Variants in MYO15A observed in about 807,000 individuals in gnomAD.
The protein encoded by MYO15A is unconventional myosin-XV.
MYO15A carries 308 observed loss-of-function variants against 394.6 expected under a neutral mutation model. The observed-to-expected ratio is 0.78, with a 90% CI of 0.71 to 0.86. The LOEUF is 0.86. MYO15A is among the 40% of genes least tolerant of loss of function. The probability of loss-of-function intolerance (pLI) is 0.00; values close to 1 mark genes in which losing one functional copy is unlikely to be tolerated. For synonymous variants in MYO15A, 1,957 were observed against 2,003.8 expected (o/e 0.98, Z 0.62); for missense variants, 4,606 against 4,799.1 (o/e 0.96, Z 1.19).
chr17:18,133,145 C>T, intron 11 of MYO15A, 80 bp from the exon 12 acceptor site: 1 of 1,473,124 alleles, frequency 6.8e-7, no homozygotes, highest in South Asian at 1.2e-5. Flanking sequence ...CACCACACTA[C>T]TGGTCAGGGC....
rs536094136 is a variant in MYO15A, at chr17:18,153,696, C to T, written c.7967-79C>T. The T allele has an allele frequency of 5.2e-4, 668 of 1,290,854 alleles. 1 individual carries two copies. The highest frequency in any genetic ancestry group is 6.1e-4 in the Non-Finnish European group (615 of 1,002,194). 80.0% of individuals were successfully genotyped at this position (1,290,854 alleles called of 1,614,324 possible). ...CTGGGGGACAACAGCGAAACTCCGT[C>T]TCAAAAATATATATATATATTAATT... On this transcript the variant is annotated intron_variant, in intron 42 of 65. Coordinates refer to ENST00000647165, the MANE Select transcript of MYO15A (RefSeq NM_016239.4). This position sits in a 1 kb window ranked among gnomAD's most constrained non-coding sequence, Gnocchi z 4.1.
rs1427670409 is a variant in MYO15A at position 18,140,614 on chromosome 17, T to C, written c.5309T>C (p.Val1770Ala). ...ACTCGGCTCTACAAGGCGCACACTG[T>C]GGCCGCCAAGTTCCAGCAGTCACTC... ...SVTRLYKAHT[V>A]AAKFQQSLLD... Residue 1770 changes from valine to alanine, a missense_variant, in exon 20 of 66, where the codon GTG becomes GCG. By Grantham distance (64) the Val-to-Ala change is moderately conservative. This residue lies in a region of MYO15A where 2,776 missense variants were observed against 3,109.3 expected (regional missense o/e 0.89). Coordinates refer to ENST00000647165, the MANE Select transcript of MYO15A (RefSeq NM_016239.4). 2 of 1,613,578 alleles carry C rather than the reference T, an allele frequency of 1.2e-6. No homozygotes were observed. Among genetic ancestry groups the C allele is most frequent in the Admixed American group, 3.3e-5 (2 of 60,000 alleles).
chr17:18,120,610 G>A lies in MYO15A; in HGVS notation c.1810G>A (p.Glu604Lys), dbSNP rs1270359345. 1.3e-6 allele frequency: 2 copies of A among 1,598,018 alleles called. No homozygotes were observed. The highest frequency in any genetic ancestry group is 1.7e-5 in the Admixed American group (1 of 58,988). ...KARAGGPAVREAAYKRFGYKL... is the reference protein window; with the variant it reads ...KARAGGPAVRKAAYKRFGYKL... ...CCGGGCGGGCGGCCCTGCTGTCAGGGAGGCGGCCTACAAACGCTTCGGCTA... is the reference window on the plus strand; with the variant it reads ...CCGGGCGGGCGGCCCTGCTGTCAGGAAGGCGGCCTACAAACGCTTCGGCTA... The change falls in exon 2 of 66, where the codon GAG becomes AAG. Residue 604 changes from glutamate (E) to lysine (K), a missense_variant. Glu to Lys is a moderately conservative substitution (Grantham distance 56). This residue lies in a region of MYO15A where 1,830 missense variants were observed against 1,689.7 expected (regional missense o/e 1.08). Coordinates refer to ENST00000647165, the MANE Select transcript of MYO15A (RefSeq NM_016239.4).
intron 5 of MYO15A, 27 bp downstream of exon 5, chr17:18,126,483 G>A: frequency 6.3e-7 from 1 of 1,597,830 alleles, no homozygotes; most frequent in Non-Finnish European, 8.6e-7. Context: ...CGCTGCCCTG[G>A]GGTCTCTTGG....
rs765023430 is a variant in MYO15A at position 18,119,189 on chromosome 17, C to T, written c.389C>T (p.Ala130Val). Residue 130 changes from alanine to valine, a missense_variant, in exon 2 of 66, where the codon GCG becomes GTG. Physicochemically the swap from Ala to Val is moderately conservative, Grantham distance 64 (BLOSUM62 0). Transcript: ENST00000647165. ...CCGCGCGCCCGGTCACTCAGCAAAG[C>T]GTCCACGGCCATCAACTGGCTCACA... is the stretch of plus-strand genomic sequence containing the variant. Reference protein sequence around the residue: ...LRPRARSLSKASTAINWLTKK... With the variant: ...LRPRARSLSKVSTAINWLTKK... 3 of 1,612,408 alleles carry T rather than the reference C, an allele frequency of 1.9e-6. No homozygotes were observed. The highest frequency in any genetic ancestry group is 1.3e-5 in the African/African-American group (1 of 74,926).
chr17:18,133,010 A>G (rs2046195751), intron 11 of MYO15A, among the ~76,000 whole-genome samples: 1 of 152,236 alleles, frequency 6.6e-6, no homozygotes, highest in Admixed American at 6.5e-5. Context: ...GGGCAGCTGC[A>G]AAGGTCAACA....
chr17:18,167,744 C>T (rs1348104911), intron 62 of MYO15A, 21 bp downstream of exon 62: 1 of 1,601,566 alleles, frequency 6.2e-7, no homozygotes, highest in Non-Finnish European at 8.5e-7. Flanking sequence ...GCCCTCCTGC[C>T]TCAGCTGGGG....
chr17:18,173,711 G>A, intron 64 of MYO15A, 70 bp from the exon 65 acceptor site: 2 of 1,604,528 alleles, frequency 1.2e-6, no homozygotes, highest in Admixed American at 1.7e-5. Flanking sequence ...TGATTTGCAG[G>A]GCAGGGGTAA....
Position 18,136,605 on chromosome 17 carries a change from G to A in MYO15A, c.4698G>A (p.Trp1566Ter). The A allele has an allele frequency of 6.2e-7, 1 of 1,613,916 alleles. No individual in the cohort carries two copies. Among genetic ancestry groups the A allele is most frequent in the Non-Finnish European group, 8.5e-7 (1 of 1,180,034 alleles). Residue 1566 changes from tryptophan (W) to a stop codon, truncating the protein, a stop_gained, in exon 15 of 66, where the codon TGG (tryptophan) becomes TGA (stop). Coordinates refer to ENST00000647165, the MANE Select transcript of MYO15A (RefSeq NM_016239.4). LOFTEE classifies it high-confidence loss of function. ...AKVLYALLFS[W>*]LITRVNALVS... ...TCTTGTATGCACTGCTGTTCAGCTG[G>A]CTCATCACCAGGGTCAACGCGCTGG...
At chr17:18,143,483 T>G in intron 25 of MYO15A, 83 bp from the exon 26 acceptor site, 2 of 1,496,552 alleles carry the variant, frequency 1.3e-6, no homozygotes, top group Non-Finnish European at 1.8e-6. Flanking sequence ...TGTGGCCGCC[T>G]TGCGTAAGCT....
At chr17:18,178,583 A>G (rs2047047548) in intron 65 of MYO15A, 186 bp from the exon 66 acceptor site, 1 of 693,612 alleles carries the variant, frequency 1.4e-6, no homozygotes, top group South Asian at 1.5e-5. Context: ...TGCAGCCCAC[A>G]CCCCACCATT....
At chr17:18,149,767 G>A (rs2046545816) in intron 35 of MYO15A, 187 bp downstream of exon 35, 1 of 673,188 alleles carries the variant, frequency 1.5e-6, no homozygotes. Flanking sequence ...GATGCTCTTG[G>A]CTGATCCTGG....
chr17:18,159,451 C>T (rs944143693), intron 54 of MYO15A, 104 bp downstream of exon 54: 8 of 1,496,058 alleles, frequency 5.3e-6, no homozygotes, highest in African/African-American at 1.4e-5. Context: ...TTCTTTCCCT[C>T]CCGCCAGCTC....
intron 65 of MYO15A, chr17:18,178,302 G>A (rs758963479): frequency 8.4e-5 from 22 of 263,300 alleles, no homozygotes; most frequent in Non-Finnish European, 1.4e-4. Context: ...CCTGGGAGGC[G>A]GAGGTTGCAG....
intron 29 of MYO15A, among the ~76,000 whole-genome samples, chr17:18,145,063 G>A (rs931331137): frequency 1.3e-5 from 2 of 152,178 alleles, no homozygotes; most frequent in African/African-American, 4.8e-5. Flanking sequence ...AGTGGAGAAA[G>A]TACACAGAGA....
Position 18,130,817 on chromosome 17 carries a change from AGT to A in MYO15A, c.4038+60_4038+61del, listed in dbSNP as rs59214589. 0.06 allele frequency: 71,300 copies of A among 1,181,880 alleles called. 686 individuals carry two copies. Among genetic ancestry groups the A allele is most frequent in the East Asian group, 0.12 (4,616 of 38,422 alleles). 73.2% of individuals were successfully genotyped at this position (1,181,880 alleles called of 1,614,324 possible). A position where few individuals can be genotyped will look rare whatever the true frequency, so the allele number is the denominator to read the frequency against. ...GACGCTCTTGAAGATAAAGGTACTC[AGT>A]GTGTGTGTGTGTGTGTGTGTGTGTG... On this transcript the variant is annotated splice_region_variant and intron_variant, in intron 8 of 65. Coordinates refer to ENST00000647165, the MANE Select transcript of MYO15A (RefSeq NM_016239.4).
chr17:18,140,055 C>T (rs2046351030), intron 19 of MYO15A, among the ~76,000 whole-genome samples: 1 of 152,190 alleles, frequency 6.6e-6, no homozygotes. Flanking sequence ...CTTGGGGGAC[C>T]AACTTTGGGT....
intron 1 of MYO15A, among the ~76,000 whole-genome samples, chr17:18,110,709 C>T (rs1031548145): frequency 3.2e-4 from 49 of 152,184 alleles, no homozygotes; most frequent in African/African-American, 1.2e-3. Flanking sequence ...TCTGGAAATG[C>T]GAAACAGTGA....
chr17:18,126,283 GGGGA>G, intron 4 of MYO15A, 60 bp from the exon 5 acceptor site: 3 of 1,324,994 alleles, frequency 2.3e-6, no homozygotes, highest in Non-Finnish European at 3.3e-6. Flanking sequence ...TCCCAGCATA[GGGGA>G]GGGAGGGACA....
Sources: gnomAD v4.1 joint callset for allele counts (sites outside exome capture counted in the v4.1 genomes callset) on GRCh38, gnomAD v4.1.1 for gene constraint, gnomAD v4.1.1 regional missense constraint, Gnocchi (gnomAD v3.1) non-coding constraint, MANE v1.5 for transcripts, NCBI Gene and HGNC (gene_info 2026-07-23, HGNC 2026-07-21) for gene names.